SCG5: variants seen among roughly 807,000 people sequenced by gnomAD.
The protein encoded by SCG5 is secretogranin V, also known as neuroendocrine protein 7B2.
A neutral mutation model predicts 25.7 loss-of-function variants in SCG5; 18 were observed. That is an observed-to-expected ratio of 0.70 (90% CI 0.48 to 1.04). The LOEUF (loss-of-function observed/expected upper bound fraction) is 1.04, where lower values mean the gene tolerates loss of function less well. Ranked by LOEUF, SCG5 falls within the 50% of genes least tolerant of loss-of-function variation. The pLI is 0.00. For synonymous variants in SCG5, 101 were observed against 91.7 expected (o/e 1.10, Z -0.58); for missense variants, 206 against 259.8 (o/e 0.79, Z 1.42).
At position 32,684,623 on chromosome 15, in the gene SCG5, A is replaced by T; in HGVS notation, c.443A>T (p.Gln148Leu). Residue 148 changes from glutamine (Q) to leucine (L), a missense_variant, in exon 4 of 6, where the codon CAG becomes CTG. Physicochemically the swap from Gln to Leu is moderately radical, Grantham distance 113 (BLOSUM62 -2). Transcript: ENST00000300175. ...TTCAGTCGAGAGTTCCAGTTGCACCAGCATCTCTTTGATCCGGAACATGAC... is the reference window on the plus strand; with the variant it reads ...TTCAGTCGAGAGTTCCAGTTGCACCTGCATCTCTTTGATCCGGAACATGAC... ...AEFSREFQLH[Q>L]HLFDPEHDYP... is the part of the protein sequence containing the mutation. The T allele has an allele frequency of 6.2e-7, 1 of 1,613,866 alleles. No homozygotes were observed.
intron 2 of SCG5, among the ~76,000 whole-genome samples, chr15:32,668,366 G>C (rs1020833789): frequency 3.3e-5 from 5 of 152,268 alleles, no homozygotes; most frequent in African/African-American, 1.2e-4. Context: ...GGCCAAGTGA[G>C]AATCACGTTC....
At chr15:32,688,238 G>T (rs1362152047) in intron 4 of SCG5, among the ~76,000 whole-genome samples, 2 of 152,190 alleles carry the variant, frequency 1.3e-5, no homozygotes, top group East Asian at 3.8e-4. Flanking sequence ...TACACCAGTG[G>T]TGACCACACC....
At chr15:32,642,200 A>T (rs1388708777) in intron 1 of SCG5, among the ~76,000 whole-genome samples, 1 of 152,034 alleles carries the variant, frequency 6.6e-6, no homozygotes, top group East Asian at 1.9e-4. Flanking sequence ...TTTTTGTTTC[A>T]GTAAAGGAAA....
intron 2 of SCG5, among the ~76,000 whole-genome samples, chr15:32,674,438 A>G (rs1387075362): frequency 2.0e-5 from 3 of 152,248 alleles, no homozygotes; most frequent in Non-Finnish European, 2.9e-5. Flanking sequence ...CAAAAAGGCC[A>G]TGGCTGTTCA....
At chr15:32,657,595 T>A (rs1397442629) in intron 2 of SCG5, among the ~76,000 whole-genome samples, 1 of 152,048 alleles carries the variant, frequency 6.6e-6, no homozygotes, top group Non-Finnish European at 1.5e-5. Flanking sequence ...AACCTGTCCA[T>A]GTGGATATAG....
chr15:32,669,747 G>A (rs1449148318), intron 2 of SCG5, among the ~76,000 whole-genome samples: 2 of 151,882 alleles, frequency 1.3e-5, no homozygotes, highest in Non-Finnish European at 2.9e-5. Context: ...TTATTTTGGG[G>A]TTTTGTGTGT....
chr15:32,684,520 T>C (rs750791413), intron 3 of SCG5, 37 bp from the exon 4 acceptor site: 1 of 1,264,010 alleles, frequency 7.9e-7, no homozygotes, highest in South Asian at 1.2e-5. Flanking sequence ...ATGATGAATG[T>C]CTTGGCCGTT....
At chr15:32,672,937 ACAG>A (rs2054462280) in intron 2 of SCG5, 1 of 93,852 alleles carries the variant, frequency 1.1e-5, no homozygotes, top group Admixed American at 1.1e-4. Flanking sequence ...AAAAAAAGAG[ACAG>A]AGTGACGAAG....
At chr15:32,695,407 TA>T (rs1335172720) in intron 5 of SCG5, among the ~76,000 whole-genome samples, 1 of 152,080 alleles carries the variant, frequency 6.6e-6, no homozygotes, top group Non-Finnish European at 1.5e-5. Flanking sequence ...TTCTGCTTGC[TA>T]AATACTATTT....
intron 2 of SCG5, among the ~76,000 whole-genome samples, chr15:32,677,328 A>T (rs2140565162): frequency 6.6e-6 from 1 of 152,366 alleles, no homozygotes; most frequent in African/African-American, 2.4e-5. Flanking sequence ...TTAAACTTTA[A>T]TCAACACAGC....
intron 4 of SCG5, among the ~76,000 whole-genome samples, chr15:32,686,633 A>C (rs2054717747): frequency 6.6e-6 from 1 of 151,724 alleles, no homozygotes; most frequent in Non-Finnish European, 1.5e-5. Context: ...ATTGCGGAGG[A>C]GTACTGGGAA....
chr15:32,655,988 C>G (rs1189436768), intron 2 of SCG5: 1 of 151,876 alleles, frequency 6.6e-6, no homozygotes, highest in African/African-American at 2.4e-5. Context: ...TTTTTTTTGC[C>G]CCTCTGCCCC....
At chr15:32,669,412 CCA>C (rs2054378704) in intron 2 of SCG5, among the ~76,000 whole-genome samples, 1 of 152,162 alleles carries the variant, frequency 6.6e-6, no homozygotes, top group Non-Finnish European at 1.5e-5. Flanking sequence ...ATCCCAACCA[CCA>C]CCACCACAGT....
At chr15:32,644,449 C>A (rs1381480016) in intron 2 of SCG5, among the ~76,000 whole-genome samples, 1 of 152,004 alleles carries the variant, frequency 6.6e-6, no homozygotes, top group Non-Finnish European at 1.5e-5. Flanking sequence ...ATAATTAAAT[C>A]GTTTTAAGGT....
chr15:32,669,131 A>G (rs1235986073), intron 2 of SCG5: 1 of 152,226 alleles, frequency 6.6e-6, no homozygotes, highest in Admixed American at 6.5e-5. Context: ...ACAGGAGCAG[A>G]GTACTACATG....
At chr15:32,652,405 C>A (rs1031960780) in intron 2 of SCG5, among the ~76,000 whole-genome samples, 14 of 152,098 alleles carry the variant, frequency 9.2e-5, no homozygotes, top group Non-Finnish European at 1.5e-5. Flanking sequence ...TGATTTAGAG[C>A]TGAGGACGGT....
At chr15:32,661,943 G>A (rs2054226627) in intron 2 of SCG5, among the ~76,000 whole-genome samples, 1 of 151,862 alleles carries the variant, frequency 6.6e-6, no homozygotes, top group South Asian at 2.1e-4. Flanking sequence ...TGCACACATA[G>A]GTAGTTTTTA....
intron 2 of SCG5, among the ~76,000 whole-genome samples, chr15:32,655,040 A>G (rs975221054): frequency 1.3e-4 from 20 of 152,160 alleles, no homozygotes; most frequent in African/African-American, 4.1e-4. Context: ...CGGGCATGGT[A>G]GCTCATGCCT....
chr15:32,646,442 A>G (rs2053945380), intron 2 of SCG5, among the ~76,000 whole-genome samples: 2 of 152,192 alleles, frequency 1.3e-5, no homozygotes, highest in South Asian at 4.1e-4. Flanking sequence ...CTCAGCTCTT[A>G]GAGGCCGCCT....
Sources: allele counts gnomAD v4.1 joint callset (sites outside exome capture counted in the v4.1 genomes callset), GRCh38; gene constraint gnomAD v4.1.1; transcripts MANE v1.5; gene names NCBI Gene and HGNC (gene_info 2026-07-23, HGNC 2026-07-21).